The following ITGB4 variants were observed in gnomAD, a reference collection of about 807,000 sequenced individuals.
ITGB4 encodes integrin subunit beta 4.
In ITGB4, 159 loss-of-function variants were observed where a neutral mutation model predicts 207.6. That is an observed-to-expected ratio of 0.77 (90% CI 0.67 to 0.87). ITGB4 has a LOEUF of 0.87. ITGB4 is among the 40% of genes least tolerant of loss of function. ITGB4 has a pLI of 0.00. For missense variants in ITGB4, 2,278 were observed against 2,546.8 expected (o/e 0.89, Z 2.27); for synonymous variants, 1,020 against 1,062.7 (o/e 0.96, Z 0.78).
Position 75,728,474 on chromosome 17 carries a change from G to A in ITGB4, c.566+1G>A. On this transcript the variant is annotated splice_donor_variant, in intron 6 of 39. Coordinates refer to ENST00000200181, the MANE Select transcript of ITGB4 (RefSeq NM_000213.5). LOFTEE classifies it high-confidence loss of function. ...CGCAGACGGACATGAGGCCTGAGAA[G>A]TAAGTGACTGTGTGGGTCCCGCAGG... 1.9e-6 allele frequency: 3 copies of A among 1,612,736 alleles called. No homozygotes were observed. The highest frequency in any genetic ancestry group is 1.7e-6 in the Non-Finnish European group (2 of 1,178,736).
intron 2 of ITGB4, among the ~76,000 whole-genome samples, chr17:75,725,301 T>C (rs140691298): frequency 3.0e-4 from 46 of 151,896 alleles, no homozygotes; most frequent in Middle Eastern, 3.4e-3. Context: ...AGAGCCGTTG[T>C]TATTTTTTTA....
rs1229314956 is a variant in ITGB4 at position 75,739,460 on chromosome 17, T to G, written c.2221-212T>G. On this transcript the variant is annotated intron_variant, in intron 18 of 39. Coordinates refer to ENST00000200181, the MANE Select transcript of ITGB4 (RefSeq NM_000213.5). The surrounding 1 kb of genome is among the most constrained non-coding windows in gnomAD (Gnocchi z 5.4). Reference sequence around the variant, plus strand: ...TACAGAGCACCCGGCAGGATGAGAGTTCCACGGCGCAAACTTTGGGAACCC... The same window carrying G: ...TACAGAGCACCCGGCAGGATGAGAGGTCCACGGCGCAAACTTTGGGAACCC... Among the ~76,000 whole-genome samples, 2 of 151,246 alleles carry G rather than the reference T, an allele frequency of 1.3e-5. No homozygotes were observed. The highest frequency in any genetic ancestry group is 1.5e-5 in the Non-Finnish European group (1 of 67,802).
chr17:75,736,010 C>A, intron 13 of ITGB4, 41 bp from the exon 14 acceptor site: 1 of 1,586,762 alleles, frequency 6.3e-7, no homozygotes, highest in Non-Finnish European at 8.6e-7. Flanking sequence ...ACTACAGGCA[C>A]AGATGTAGCT....
chr17:75,736,598 T>C lies in ITGB4; in HGVS notation c.1894T>C (p.Cys632Arg). 6.2e-7 allele frequency: 1 copy of C among 1,602,802 alleles called. No individual in the cohort carries two copies. Among genetic ancestry groups the C allele is most frequent in the Non-Finnish European group, 8.5e-7 (1 of 1,175,274 alleles). ...GGGCCTCTGCGAGGACCTACGCTCC[T>C]GCGTGCAGTGCCAGGCGTGGGGCAC... ...HPGLCEDLRS[C>R]VQCQAWGTGE... Residue 632 changes from cysteine (C) to arginine (R), a missense_variant, in exon 16 of 40, where the codon TGC (cysteine) becomes CGC (arginine). Transcript: ENST00000200181.
intron 18 of ITGB4, among the ~76,000 whole-genome samples, 183 bp downstream of exon 18, chr17:75,737,827 C>T (rs568331016): frequency 6.6e-5 from 10 of 151,158 alleles, no homozygotes; most frequent in Admixed American, 4.6e-4. Flanking sequence ...TCCTCCACCA[C>T]GGTCCCCACC....
chr17:75,727,100 G>A lies in ITGB4; in HGVS notation c.80-95G>A. On this transcript the variant is annotated intron_variant, in intron 2 of 39. Transcript: ENST00000200181. The surrounding 1 kb of genome is among the most constrained non-coding windows in gnomAD (Gnocchi z 6.0). ...AATAAATAAATAAATAACATAAGGA[G>A]GGAATCCCCATCTCTCCAGGTGAAG... The A allele has an allele frequency of 1.1e-6, 1 of 927,384 alleles. No individual in the cohort carries two copies. Among genetic ancestry groups the A allele is most frequent in the Non-Finnish European group, 1.7e-6 (1 of 573,316 alleles). The allele number at this position is 927,384 out of a possible 1,614,324, so 57.4% of individuals were successfully genotyped here.
Position 75,742,496 on chromosome 17 carries a change from G to A in ITGB4, c.2782+7G>A, listed in dbSNP as rs1247444892. On this transcript the variant is annotated splice_region_variant and intron_variant, in intron 24 of 39. Coordinates refer to ENST00000200181, the MANE Select transcript of ITGB4 (RefSeq NM_000213.5). The surrounding 1 kb of genome is among the most constrained non-coding windows in gnomAD (Gnocchi z 5.9). ...ACCCTCACTGCAGACCAGGGTAGGA[G>A]GGCGGGTCCGCTGTGCCACTGCCTC... 3 of 1,612,964 alleles carry A rather than the reference G, an allele frequency of 1.9e-6. No individual in the cohort carries two copies. Among genetic ancestry groups the A allele is most frequent in the Non-Finnish European group, 2.5e-6 (3 of 1,179,778 alleles).
At position 75,742,530 on chromosome 17, in the gene ITGB4, C is replaced by T. The variant is rs200758753; in HGVS notation, c.2782+41C>T. ...CGCTGTGCCACTGCCTCGCACCTCC[C>T]GCCTGTGTGGCCCTGTGACCCACCT... On this transcript the variant is annotated intron_variant, in intron 24 of 39. Coordinates refer to ENST00000200181, the MANE Select transcript of ITGB4 (RefSeq NM_000213.5). This position sits in a 1 kb window ranked among gnomAD's most constrained non-coding sequence, Gnocchi z 5.9. 21 of 1,613,396 alleles carry T rather than the reference C, an allele frequency of 1.3e-5. No homozygotes were observed. In the East Asian group the frequency reaches 2.0e-4, roughly 15 times the overall value.
At chr17:75,755,256 C>T (rs2061469953) in intron 34 of ITGB4, 5 of 1,577,030 alleles carry the variant, frequency 3.2e-6, no homozygotes, top group Non-Finnish European at 4.3e-6. Context: ...CTGTCCTGCT[C>T]CATCTGTCAT....
intron 26 of ITGB4, chr17:75,746,154 C>T (rs1311981667): frequency 6.6e-6 from 1 of 152,238 alleles, no homozygotes; most frequent in Non-Finnish European, 1.5e-5. Flanking sequence ...TAGCTCTCTG[C>T]AATCTTGAAC....
Position 75,757,225 on chromosome 17 carries a change from T to C in ITGB4, c.5244T>C (p.Arg1748=). ...GACCCTTCCCGCAGCTGGGCAGCCGTGCCGGGCTCTTCCAGCACCCGCTGC... is the reference window on the plus strand; with the variant it reads ...GACCCTTCCCGCAGCTGGGCAGCCGCGCCGGGCTCTTCCAGCACCCGCTGC... ...DGGPFPQLGS[R]AGLFQHPLQS... The change falls in exon 39 of 40, where the codon CGT becomes CGC. Residue 1748 remains arginine (R), a synonymous_variant. Coordinates refer to ENST00000200181, the MANE Select transcript of ITGB4 (RefSeq NM_000213.5). The C allele has an allele frequency of 1.2e-6, 2 of 1,612,008 alleles. No homozygotes were observed. Among genetic ancestry groups the C allele is most frequent in the Non-Finnish European group, 1.7e-6 (2 of 1,179,958 alleles).
chr17:75,724,850 C>A, intron 2 of ITGB4, 68 bp downstream of exon 2: 1 of 1,332,968 alleles, frequency 7.5e-7, no homozygotes, highest in Non-Finnish European at 1.1e-6. Context: ...TGCCCTTGCA[C>A]GGGGATCTCA....
At chr17:75,723,306 T>G (rs887132886) in intron 1 of ITGB4, among the ~76,000 whole-genome samples, 16 of 152,128 alleles carry the variant, frequency 1.1e-4, no homozygotes, top group African/African-American at 3.9e-4. Flanking sequence ...CATATGGCAG[T>G]CACAGTGTGG....
intron 23 of ITGB4, 68 bp downstream of exon 23, chr17:75,741,073 C>T: frequency 6.5e-7 from 1 of 1,545,546 alleles, no homozygotes; most frequent in East Asian, 2.3e-5. Context: ...CCAGCCACTG[C>T]CTCGTCCGTC....
Position 75,729,265 on chromosome 17 carries a change from G to A in ITGB4, c.567G>A (p.Lys189=), listed in dbSNP as rs1277211310. Residue 189 remains lysine, a splice_region_variant and synonymous_variant, in exon 7 of 40, where the codon AAG becomes AAA. Coordinates refer to ENST00000200181, the MANE Select transcript of ITGB4 (RefSeq NM_000213.5). The surrounding 1 kb of genome is among the most constrained non-coding windows in gnomAD (Gnocchi z 4.4). ...SVPQTDMRPE[K]LKEPWPNSDP... is the part of the protein sequence containing the mutation. ...CTCTCTCCCTCCCACCTCTGCCCAG[G>A]CTGAAGGAGCCCTGGCCCAACAGTG... 6.2e-7 allele frequency: 1 copy of A among 1,613,958 alleles called. No homozygotes were observed. The highest frequency in any genetic ancestry group is 1.1e-5 in the South Asian group (1 of 91,078).
chr17:75,750,382 A>G lies in ITGB4; in HGVS notation c.3474+114A>G. The stretch of plus-strand genomic sequence containing the variant: ...CCCCTGAGAGAGAGCAGACAGTGGA[A>G]CCTAGCACAGGTGGTCAGAGGGAAA... On this transcript the variant is annotated intron_variant, in intron 28 of 39. Transcript: ENST00000200181. The surrounding 1 kb of genome is among the most constrained non-coding windows in gnomAD (Gnocchi z 5.5). The G allele has an allele frequency of 5.4e-6, 6 of 1,117,254 alleles. No homozygotes were observed. Among genetic ancestry groups the G allele is most frequent in the East Asian group, 5.1e-5 (2 of 39,324 alleles). The allele number at this position is 1,117,254 out of a possible 1,614,324, so 69.2% of individuals were successfully genotyped here.
rs2060843631 is a variant in ITGB4, at chr17:75,730,969, G to C, written c.1092+5G>C. The C allele has an allele frequency of 6.2e-7, 1 of 1,610,834 alleles. No homozygotes were observed. Among genetic ancestry groups the C allele is most frequent in the South Asian group, 1.1e-5 (1 of 91,010 alleles). On this transcript the variant is annotated splice_donor_5th_base_variant and intron_variant, in intron 9 of 39. Coordinates refer to ENST00000200181, the MANE Select transcript of ITGB4 (RefSeq NM_000213.5). ...CTGCTGGAGGAGGCCTTCAATGTGA[G>C]GGCAGCTCAGGCTCCAGAGTCTGAG... is the stretch of plus-strand genomic sequence containing the variant.
rs111810008 is a variant in ITGB4 at position 75,727,067 on chromosome 17, T to C, written c.80-128T>C. ...CAGCCTGGGCAACAGAGCGAGACTC[T>C]GTCTCAAAATAAATAAATAAATAAC... On this transcript the variant is annotated intron_variant, in intron 2 of 39. Coordinates refer to ENST00000200181, the MANE Select transcript of ITGB4 (RefSeq NM_000213.5). The surrounding 1 kb of genome is among the most constrained non-coding windows in gnomAD (Gnocchi z 6.0). 1,320 of 794,602 alleles carry C rather than the reference T, an allele frequency of 1.7e-3. 18 individuals are homozygous for C. In the African/African-American group the frequency reaches 0.019, roughly 11 times the overall value. 49.2% of individuals were successfully genotyped at this position (794,602 alleles called of 1,614,324 possible).
At position 75,754,018 on chromosome 17, in the gene ITGB4, C is replaced by A. The variant is rs1351860872; in HGVS notation, c.4318+44C>A. 7 of 919,628 alleles carry A rather than the reference C, an allele frequency of 7.6e-6. No homozygotes were observed. In the East Asian group the frequency reaches 1.4e-4, roughly 18 times the overall value. 57.0% of individuals were successfully genotyped at this position (919,628 alleles called of 1,614,324 possible). Reference sequence around the variant, plus strand: ...GCCCCCCGATCCGCGCCCACCCAGCCTCACTCGCGCCTGAGGGCCTGGGGT... The same window carrying A: ...GCCCCCCGATCCGCGCCCACCCAGCATCACTCGCGCCTGAGGGCCTGGGGT... On this transcript the variant is annotated intron_variant, in intron 33 of 39. Transcript: ENST00000200181.
Sources: allele counts gnomAD v4.1 joint callset (sites outside exome capture counted in the v4.1 genomes callset), GRCh38; gene constraint gnomAD v4.1.1; non-coding constraint Gnocchi (gnomAD v3.1); transcripts MANE v1.5; gene names NCBI Gene and HGNC (gene_info 2026-07-23, HGNC 2026-07-21).